KIF15: variants seen among roughly 807,000 people sequenced by gnomAD.
The protein encoded by KIF15 is kinesin family member 15.
KIF15 carries 140 observed loss-of-function variants against 190.6 expected under a neutral mutation model. The observed-to-expected ratio is 0.73, with a 90% CI of 0.64 to 0.84. The LOEUF (loss-of-function observed/expected upper bound fraction) is 0.84. KIF15 is among the 40% of genes least tolerant of loss of function. The pLI is 0.00. For missense variants in KIF15, 1,372 were observed against 1,584.4 expected (o/e 0.87, Z 2.28); for synonymous variants, 528 against 551.3 (o/e 0.96, Z 0.59).
intron 23 of KIF15, among the ~76,000 whole-genome samples, 169 bp from the exon 24 acceptor site, chr3:44,828,045 C>T (rs528529511): frequency 4.9e-4 from 75 of 152,294 alleles, no homozygotes; most frequent in Non-Finnish European, 1.3e-4. Context: ...TGGTAGTCTC[C>T]TGGTAGACAG....
chr3:44,864,843 G>C (rs552932784), intron 6 of KIF15, among the ~76,000 whole-genome samples: 1 of 152,310 alleles, frequency 6.6e-6, no homozygotes, highest in East Asian at 1.9e-4. Flanking sequence ...CCAGTGCAGT[G>C]AGGGAGGTAG....
In KIF15 at chr3:44,774,404, G is replaced by A. The variant is rs374400406; in HGVS notation, c.29G>A (p.Arg10His). Residue 10 changes from arginine (R) to histidine (H), a missense_variant, in exon 2 of 35, where the codon CGC (arginine) becomes CAC (histidine). Physicochemically the swap from Arg to His is conservative, Grantham distance 29. Coordinates refer to ENST00000326047, the MANE Select transcript of KIF15 (RefSeq NM_020242.3). MAPGCKTEL[R>H]SVTNGQSNQP... Reference sequence around the variant, plus strand: ...CTTTTTTTTTTTCTAGCTGAGTTACGCAGCGTGACAAATGGTCAGTCTAAC... The same window carrying A: ...CTTTTTTTTTTTCTAGCTGAGTTACACAGCGTGACAAATGGTCAGTCTAAC... The A allele has an allele frequency of 4.2e-5, 68 of 1,611,670 alleles. No individual in the cohort carries two copies. The highest frequency in any genetic ancestry group is 8.8e-5 in the South Asian group (8 of 90,650).
intron 1 of KIF15, among the ~76,000 whole-genome samples, chr3:44,769,236 CCAGGGGTT>C (rs767228316): frequency 5.7e-4 from 86 of 151,806 alleles, no homozygotes; most frequent in Non-Finnish European, 8.7e-4. Flanking sequence ...CAAAGGAGTC[CCAGGGGTT>C]CAGGATGTAT....
At chr3:44,807,764 A>G (rs1015921307) in intron 16 of KIF15, among the ~76,000 whole-genome samples, 1 of 152,004 alleles carries the variant, frequency 6.6e-6, no homozygotes, top group Non-Finnish European at 1.5e-5. Flanking sequence ...AGGGGAAAAA[A>G]TGTTCTCCCC....
In KIF15 at chr3:44,814,902, GT is replaced by G; in HGVS notation, c.2384-3del. On this transcript the variant is annotated splice_polypyrimidine_tract_variant and splice_region_variant and intron_variant, in intron 19 of 34. Transcript: ENST00000326047. ...AACCTACTGAGGATATGTTTTCTTT[GT>G]TTTTTAGTTTTGAAAAGTGAGGTAC... 1 of 1,575,064 alleles carries G rather than the reference GT, an allele frequency of 6.3e-7. No homozygotes were observed. The highest frequency in any genetic ancestry group is 8.6e-7 in the Non-Finnish European group (1 of 1,165,032).
chr3:44,802,704 C>T, intron 13 of KIF15, 110 bp from the exon 14 acceptor site: 1 of 1,065,984 alleles, frequency 9.4e-7, no homozygotes, highest in Non-Finnish European at 1.3e-6. Context: ...CAGAAGGGTA[C>T]CACCAGTAGT....
At chr3:44,770,890 G>A (rs754212661) in intron 1 of KIF15, among the ~76,000 whole-genome samples, 7 of 152,116 alleles carry the variant, frequency 4.6e-5, no homozygotes, top group African/African-American at 7.2e-5. Flanking sequence ...GATTGGCAAT[G>A]GTCCAAGCGA....
rs932774986 is a variant in KIF15 at position 44,761,877 on chromosome 3, C to A, written c.12C>A (p.Gly4=). ...GGGGTGAGGGCGCTATGGCACCCGG[C>A]TGCAAAAGTAAGTCTGGGCCCCCGG... MAP[G]CKTELRSVTN... Residue 4 remains glycine (G), a synonymous_variant, in exon 1 of 35, where the codon GGC becomes GGA. Transcript: ENST00000326047. 2.0e-5 allele frequency: 32 copies of A among 1,614,068 alleles called. No individual in the cohort carries two copies. Among genetic ancestry groups the A allele is most frequent in the Non-Finnish European group, 2.6e-5 (31 of 1,180,026 alleles).
intron 16 of KIF15, among the ~76,000 whole-genome samples, chr3:44,806,953 C>T (rs1707532972): frequency 6.6e-6 from 1 of 152,024 alleles, no homozygotes; most frequent in African/African-American, 2.4e-5. Context: ...GCCATGTTGG[C>T]CAGGCTGGTC....
intron 1 of KIF15, 69 bp from the exon 2 acceptor site, chr3:44,774,326 C>A: frequency 1.4e-6 from 2 of 1,389,956 alleles, no homozygotes; most frequent in South Asian, 1.2e-5. Context: ...AACCCAGGAA[C>A]ATGTTAGAGA....
intron 26 of KIF15, among the ~76,000 whole-genome samples, chr3:44,836,375 A>T (rs1256267149): frequency 6.6e-6 from 1 of 151,270 alleles, no homozygotes; most frequent in Admixed American, 6.6e-5. Flanking sequence ...TAAATAAATA[A>T]TTTTTTTTTA....
intron 5 of KIF15, among the ~76,000 whole-genome samples, chr3:44,782,891 A>G (rs1706232436): frequency 6.6e-6 from 1 of 152,194 alleles, no homozygotes; most frequent in Non-Finnish European, 1.5e-5. Flanking sequence ...GTAGCATGGG[A>G]AGTCGGAGCT....
intron 25 of KIF15, 26 bp from the exon 26 acceptor site, chr3:44,830,870 T>C (rs1249923061): frequency 1.9e-6 from 3 of 1,603,978 alleles, no homozygotes; most frequent in Non-Finnish European, 2.5e-6. Context: ...AAAATGGCTC[T>C]TATAGCATGA....
intron 8 of KIF15, among the ~76,000 whole-genome samples, chr3:44,794,674 CCTGTTAGCCGGGCGCGGTGGCTCA>C (rs1706885438): frequency 6.6e-6 from 1 of 151,948 alleles, no homozygotes; most frequent in South Asian, 2.1e-4. Context: ...AAAATGTACC[CCTGTTAGCCGGGCGCGGTGGCTCA>C]CACCTGTAAT....
intron 3 of KIF15, among the ~76,000 whole-genome samples, chr3:44,777,193 T>G (rs2125905971): frequency 6.6e-6 from 1 of 152,124 alleles, no homozygotes; most frequent in South Asian, 2.1e-4. Context: ...AGATGGAGTC[T>G]TACTATGTTC....
intron 6 of KIF15, among the ~76,000 whole-genome samples, chr3:44,864,607 G>C (rs1699300606): frequency 6.6e-6 from 1 of 152,186 alleles, no homozygotes; most frequent in South Asian, 2.1e-4. Flanking sequence ...CCCTCATTCT[G>C]AAGTCACTGT....
downstream of KIF15, among the ~76,000 whole-genome samples, chr3:44,857,638 T>C (rs755118468): frequency 3.3e-5 from 5 of 152,204 alleles, no homozygotes; most frequent in Non-Finnish European, 5.9e-5. Context: ...CTAGATTTCC[T>C]TTTGTGAGTT....
chr3:44,840,379 G>C lies in KIF15; in HGVS notation c.3343G>C (p.Glu1115Gln), dbSNP rs1698531468. The change falls in exon 28 of 35, where the codon GAA becomes CAA. Residue 1115 changes from glutamate (E) to glutamine (Q), a missense_variant. Coordinates refer to ENST00000326047, the MANE Select transcript of KIF15 (RefSeq NM_020242.3). ...HKLNQKKEEV[E>Q]QKKNEYNFKM... is the part of the protein sequence containing the mutation. Reference sequence around the variant, plus strand: ...GCTAAACCAAAAGAAAGAGGAAGTAGAACAGAAGAAGAATGAATATAACTT... The same window carrying C: ...GCTAAACCAAAAGAAAGAGGAAGTACAACAGAAGAAGAATGAATATAACTT... 2 of 1,608,382 alleles carry C rather than the reference G, an allele frequency of 1.2e-6. No individual in the cohort carries two copies. Among genetic ancestry groups the C allele is most frequent in the East Asian group, 4.5e-5 (2 of 44,662 alleles).
intron 8 of KIF15, among the ~76,000 whole-genome samples, chr3:44,795,432 A>G (rs146595110): frequency 2.0e-5 from 3 of 152,096 alleles, no homozygotes; most frequent in South Asian, 4.1e-4. Context: ...GTTTGTATCA[A>G]CTCTGCGAAT....
Sources: allele counts gnomAD v4.1 joint callset (sites outside exome capture counted in the v4.1 genomes callset), GRCh38; gene constraint gnomAD v4.1.1; transcripts MANE v1.5; gene names NCBI Gene and HGNC (gene_info 2026-07-23, HGNC 2026-07-21).